The following PRH1 variants were observed in gnomAD, a reference collection of about 807,000 sequenced individuals.
The protein encoded by PRH1 is proline rich protein HaeIII subfamily 1, also known as salivary acidic proline-rich phosphoprotein 1/2.
Under a neutral mutation model 7.9 loss-of-function variants are expected in PRH1, and 7 were observed. That is an observed-to-expected ratio of 0.89 (90% CI 0.50 to 1.67). PRH1 has a LOEUF of 1.67. PRH1 is among the 40% of genes most tolerant of loss of function. The pLI is 0.00. For synonymous variants in PRH1, 45 were observed against 80.8 expected (o/e 0.56, Z 2.38); for missense variants, 109 against 223.6 (o/e 0.49, Z 3.27).
chr12:11,157,163 C>A (rs1303988299), intron 1 of PRH1, among the ~76,000 whole-genome samples: 1 of 152,208 alleles, frequency 6.6e-6, no homozygotes, highest in East Asian at 1.9e-4. Flanking sequence ...TGAGTCTAAT[C>A]ATTCTTAACC....
At chr12:10,995,574 T>C (rs925208729) in intron 1 of PRH1, among the ~76,000 whole-genome samples, 1 of 152,102 alleles carries the variant, frequency 6.6e-6, no homozygotes, top group African/African-American at 2.4e-5. Context: ...CATTAATATA[T>C]AGATTTCATA....
At chr12:11,022,939 T>G (rs1277636376) in intron 1 of PRH1, among the ~76,000 whole-genome samples, 3 of 152,216 alleles carry the variant, frequency 2.0e-5, no homozygotes, top group African/African-American at 7.2e-5. Context: ...TTTTCCTTGT[T>G]TAACCTCTCC....
intron 1 of PRH1, among the ~76,000 whole-genome samples, chr12:11,008,891 G>A (rs573905779): frequency 2.4e-4 from 36 of 151,660 alleles, no homozygotes; most frequent in Non-Finnish European, 4.3e-4. Context: ...AGAATTATAG[G>A]GTCCTTGATT....
rs960406122 is a variant in PRH1 at position 11,143,498 on chromosome 12, G to A, written n.40-22318C>T. ...GAAAACAGATAACAAAATGGCAGAAGTAAGTCCTTACTACCAATAATAACA... is the reference window on the plus strand; with the variant it reads ...GAAAACAGATAACAAAATGGCAGAAATAAGTCCTTACTACCAATAATAACA... On this transcript the variant is annotated intron_variant and non_coding_transcript_variant, in intron 1 of 1. Coordinates refer to the PRH1 transcript ENST00000541175. Among the ~76,000 whole-genome samples the A allele has an allele frequency of 2.0e-5, 3 of 152,212 alleles. No individual in the cohort carries two copies. In the East Asian group the frequency reaches 5.8e-4, roughly 29 times the overall value.
intron 1 of PRH1, among the ~76,000 whole-genome samples, chr12:11,009,984 C>G (rs1940994823): frequency 6.6e-6 from 1 of 151,870 alleles, no homozygotes; most frequent in South Asian, 2.1e-4. Context: ...ATCTAAAATC[C>G]TCTCTTTAGG....
At chr12:11,023,657 T>A (rs1467646678) in intron 1 of PRH1, among the ~76,000 whole-genome samples, 2 of 152,192 alleles carry the variant, frequency 1.3e-5, no homozygotes, top group Admixed American at 6.5e-5. Flanking sequence ...TTTCCTGCTC[T>A]TTTCCACTAA....
chr12:10,977,583 A>G (rs952978047), intron 1 of PRH1, among the ~76,000 whole-genome samples: 12 of 152,172 alleles, frequency 7.9e-5, no homozygotes, highest in African/African-American at 2.9e-4. Context: ...GAAAGAAATA[A>G]AAGTCATCTA....
chr12:10,885,880 A>T (rs1054132779), upstream of PRH1, among the ~76,000 whole-genome samples: 2 of 152,254 alleles, frequency 1.3e-5, no homozygotes, highest in East Asian at 3.8e-4. Context: ...TGTGCTGGGC[A>T]TATGAGGGTC....
At chr12:10,894,809 T>C (rs1038369487) in intron 2 of PRH1, 19 of 152,196 alleles carry the variant, frequency 1.2e-4, no homozygotes, top group African/African-American at 4.6e-4. Flanking sequence ...AATCAGCAAG[T>C]ATTTTCAATA....
chr12:11,030,748 C>A (rs775838436), intron 1 of PRH1: 5 of 1,614,126 alleles, frequency 3.1e-6, no homozygotes, highest in Non-Finnish European at 4.2e-6. Flanking sequence ...AGATTAACAG[C>A]AAAAAACATA....
intron 1 of PRH1, among the ~76,000 whole-genome samples, chr12:11,134,992 G>C (rs1332659616): frequency 6.6e-6 from 1 of 152,104 alleles, no homozygotes; most frequent in East Asian, 1.9e-4. Flanking sequence ...CAGTTTCCAG[G>C]AGGTTGTCCA....
At chr12:11,016,960 C>T (rs769087523) in intron 1 of PRH1, among the ~76,000 whole-genome samples, 1 of 152,224 alleles carries the variant, frequency 6.6e-6, no homozygotes, top group Non-Finnish European at 1.5e-5. Context: ...TTTTTATATG[C>T]CTATCCACTT....
chr12:11,127,888 C>T (rs956058833), intron 1 of PRH1, among the ~76,000 whole-genome samples: 3 of 147,560 alleles, frequency 2.0e-5, no homozygotes, highest in African/African-American at 7.4e-5. Flanking sequence ...GGGCTGATCA[C>T]GAGGTCAGGA....
In PRH1 at chr12:11,030,729, A is replaced by G. The variant is rs777998139; in HGVS notation, c.-126+16291T>C. On this transcript the variant is annotated intron_variant, in intron 1 of 3. Coordinates refer to the PRH1 transcript ENST00000539853. ...AGCTGCATCTTCTTGAGATGTTTAC[A>G]CAGAGAACAGATTAACAGCAAAAAA... is the stretch of plus-strand genomic sequence containing the variant. 4.3e-6 allele frequency: 7 copies of G among 1,614,108 alleles called. No homozygotes were observed. The South Asian group carries it at 7.7e-5, about 18-fold the overall frequency.
intron 1 of PRH1, among the ~76,000 whole-genome samples, chr12:11,098,513 T>C (rs532760132): frequency 3.3e-5 from 5 of 152,236 alleles, no homozygotes; most frequent in Non-Finnish European, 5.9e-5. Flanking sequence ...CTTTCAGAGT[T>C]TGCAATTTTT....
chr12:10,884,017 C>G, intron 1 of PRH1, 137 bp downstream of exon 1: 4 of 1,003,544 alleles, frequency 4.0e-6, no homozygotes, highest in South Asian at 1.6e-5. Context: ...TACAATAGAT[C>G]TTCTGATCCT....
Position 11,083,400 on chromosome 12 carries a change from G to A in PRH1, n.124-36212C>T, listed in dbSNP as rs76912713. On this transcript the variant is annotated intron_variant and non_coding_transcript_variant, in intron 1 of 4. Coordinates refer to the PRH1 transcript ENST00000541977. ...TTGGATTTCTTACTATCATAATGCT[G>A]TATTCTTCTTTATTCAGCAAAAATT... Among the ~76,000 whole-genome samples, 5 of 131,050 alleles carry A rather than the reference G, an allele frequency of 3.8e-5. 1 individual carries two copies. The highest frequency in any genetic ancestry group is 1.1e-4 in the African/African-American group (4 of 35,754). The allele number at this position is 131,050 out of a possible 152,430, so 86.0% of individuals were successfully genotyped here.
intron 2 of PRH1, among the ~76,000 whole-genome samples, chr12:10,935,376 A>C (rs143820565): frequency 6.6e-6 from 1 of 152,168 alleles, no homozygotes; most frequent in Non-Finnish European, 1.5e-5. Flanking sequence ...TAAAAACATA[A>C]TTACCCTTGA....
At chr12:11,160,473 G>GTTTT (rs1565716609) in intron 1 of PRH1, among the ~76,000 whole-genome samples, 1 of 119,842 alleles carries the variant, frequency 8.3e-6, no homozygotes, top group Non-Finnish European at 2.0e-5. Context: ...TTGTTTGTTT[G>GTTTT]TTTGTTTGTT....
Sources: allele counts gnomAD v4.1 joint callset (sites outside exome capture counted in the v4.1 genomes callset), GRCh38; gene constraint gnomAD v4.1.1; transcripts MANE v1.5; gene names NCBI Gene and HGNC (gene_info 2026-07-23, HGNC 2026-07-21).